Variants in OBP2B observed in about 807,000 individuals in gnomAD.
OBP2B encodes odorant binding protein 2B.
OBP2B carries 10 observed loss-of-function variants against 21.7 expected under a neutral mutation model. That is an observed-to-expected ratio of 0.46 (90% CI 0.28 to 0.78). The LOEUF is 0.78. Ranked by LOEUF, OBP2B falls within the 30% of genes least tolerant of loss-of-function variation. OBP2B has a pLI of 0.11. For synonymous variants in OBP2B, 73 were observed against 91.5 expected (o/e 0.80, Z 1.16); for missense variants, 153 against 217.7 (o/e 0.70, Z 1.87).
chr9:133,207,311 C>A lies in OBP2B; in HGVS notation c.303G>T (p.Leu101=). 1.2e-6 allele frequency: 2 copies of A among 1,613,092 alleles called. No individual in the cohort carries two copies. The highest frequency in any genetic ancestry group is 2.2e-5 in the East Asian group (1 of 44,878). ...AGTGGTCCCTCCTGGGCAGCTCCTG[C>A]AGGTACATGAGCTTCCTGCCCCCAT... ...SAYGGRKLMY[L]QELPRRDHYI... Residue 101 remains leucine, a synonymous_variant, in exon 4 of 7, where the codon CTG becomes CTT. Coordinates refer to ENST00000372034, the MANE Select transcript of OBP2B (RefSeq NM_014581.4).
the OBP2B span, among the ~76,000 whole-genome samples, chr9:133,222,470 G>A: frequency 6.6e-6 from 1 of 152,196 alleles, no homozygotes; most frequent in African/African-American, 2.4e-5. Flanking sequence ...GCTCACATCC[G>A]TAATCCCAGC....
the OBP2B span, among the ~76,000 whole-genome samples, chr9:133,222,536 T>C: frequency 6.6e-6 from 1 of 152,176 alleles, no homozygotes; most frequent in African/African-American, 2.4e-5. Flanking sequence ...AAGATCAGCC[T>C]GGCCAACATG....
the OBP2B span, among the ~76,000 whole-genome samples, chr9:133,215,449 T>G: frequency 6.6e-6 from 1 of 152,212 alleles, no homozygotes. Context: ...GCAGAGGAAC[T>G]AGAATAACTA....
chr9:133,220,686 T>A, the OBP2B span, among the ~76,000 whole-genome samples: 1 of 152,118 alleles, frequency 6.6e-6, no homozygotes, highest in Non-Finnish European at 1.5e-5. Flanking sequence ...CCTAAAGATG[T>A]CCACATCCTC....
Position 133,208,501 on chromosome 9 carries a change from G to A in OBP2B, c.174C>T (p.Gly58=), listed in dbSNP as rs147483144. The A allele has an allele frequency of 2.5e-5, 40 of 1,613,804 alleles. No homozygotes were observed. In the African/African-American group the frequency reaches 3.9e-4, roughly 16 times the overall value. Residue 58 remains glycine, a synonymous_variant, in exon 2 of 7, where the codon GGC becomes GGT. Coordinates refer to ENST00000372034, the MANE Select transcript of OBP2B (RefSeq NM_014581.4). The part of the protein sequence containing the change: ...KVSPVKVTAL[G]GGKLEATFTF... ...TGAACGTGGCTTCCAACTTCCCACC[G>A]CCCAGGGCTGTCACCTTCACTGGGG... is the stretch of plus-strand genomic sequence containing the variant.
chr9:133,216,125 A>T, the OBP2B span, among the ~76,000 whole-genome samples: 1 of 151,900 alleles, frequency 6.6e-6, no homozygotes, highest in African/African-American at 2.4e-5. Flanking sequence ...TCTGTAAGAG[A>T]CCCTGTTAAC....
chr9:133,215,502 CCTTT>C, the OBP2B span, among the ~76,000 whole-genome samples: 1 of 151,908 alleles, frequency 6.6e-6, no homozygotes, highest in Non-Finnish European at 1.5e-5. Context: ...ATCAGGCTAC[CCTTT>C]CTTTCCTTTT....
chr9:133,215,813 A>G, the OBP2B span, among the ~76,000 whole-genome samples: 1 of 152,258 alleles, frequency 6.6e-6, no homozygotes, highest in Non-Finnish European at 1.5e-5. Flanking sequence ...ACAAAGATGC[A>G]AAAGCAATTC....
the OBP2B span, among the ~76,000 whole-genome samples, chr9:133,222,770 C>T: frequency 6.6e-6 from 1 of 152,044 alleles, no homozygotes; most frequent in East Asian, 1.9e-4. Context: ...AGAGCCATTC[C>T]TTAGAAATGT....
In OBP2B at chr9:133,205,284, G is replaced by A. The variant is rs1252358833; in HGVS notation, c.*129C>T. 4 of 1,471,906 alleles carry A rather than the reference G, an allele frequency of 2.7e-6. No individual in the cohort carries two copies. The highest frequency in any genetic ancestry group is 2.6e-5 in the East Asian group (1 of 38,478). 91.2% of individuals were successfully genotyped at this position (1,471,906 alleles called of 1,614,324 possible). A position where few individuals can be genotyped will look rare whatever the true frequency, so the allele number is the denominator to read the frequency against. The stretch of plus-strand genomic sequence containing the variant: ...CAGATAGGCCTGCCCAGAGCTGGGG[G>A]AGAAGGACTTTATTTGGAGTCAGGT... On this transcript the variant is annotated 3_prime_UTR_variant, in exon 7 of 7. Transcript: ENST00000372034.
Position 133,207,122 on chromosome 9 carries a change from G to T in OBP2B, c.388+104C>A, listed in dbSNP as rs1422889651. 15 of 809,540 alleles carry T rather than the reference G, an allele frequency of 1.9e-5. No individual in the cohort carries two copies. The African/African-American group carries it at 2.1e-4, about 11-fold the overall frequency. The allele number at this position is 809,540 out of a possible 1,614,324, so 50.1% of individuals were successfully genotyped here. Reference sequence around the variant, plus strand: ...CCCGGCACATGAAAGCCGGCACAGGGGGCTTCCTTTTCCCCCATGCCAGGG... The same window carrying T: ...CCCGGCACATGAAAGCCGGCACAGGTGGCTTCCTTTTCCCCCATGCCAGGG... On this transcript the variant is annotated intron_variant, in intron 4 of 6. Transcript: ENST00000372034.
the OBP2B span, among the ~76,000 whole-genome samples, chr9:133,222,749 T>A: frequency 6.6e-6 from 1 of 152,106 alleles, no homozygotes; most frequent in Admixed American, 6.5e-5. Flanking sequence ...AGTGTCATTC[T>A]CAGGGACCTG....
rs569244839 is a variant in OBP2B at position 133,207,985 on chromosome 9, C to A, written c.277+148G>T. 4 of 1,527,196 alleles carry A rather than the reference C, an allele frequency of 2.6e-6. No homozygotes were observed. The African/African-American group carries it at 4.1e-5, about 16-fold the overall frequency. The allele number at this position is 1,527,196 out of a possible 1,614,324, so 94.6% of individuals were successfully genotyped here. A position where few individuals can be genotyped will look rare whatever the true frequency, so the allele number is the denominator to read the frequency against. ...GTCTGATGTCAGGGCCACCAGCCCCCCAGGAAGGAGAGGCCAGCCCCTCCT... is the reference window on the plus strand; with the variant it reads ...GTCTGATGTCAGGGCCACCAGCCCCACAGGAAGGAGAGGCCAGCCCCTCCT... On this transcript the variant is annotated intron_variant, in intron 3 of 6. Transcript: ENST00000372034.
rs782459366 is a variant in OBP2B at position 133,209,080 on chromosome 9, C to G, written c.72+48G>C. 6.8e-6 allele frequency: 11 copies of G among 1,611,230 alleles called. No homozygotes were observed. The highest frequency in any genetic ancestry group is 9.3e-6 in the Non-Finnish European group (11 of 1,179,006). On this transcript the variant is annotated intron_variant, in intron 1 of 6. Coordinates refer to ENST00000372034, the MANE Select transcript of OBP2B (RefSeq NM_014581.4). The surrounding 1 kb of genome is among the most constrained non-coding windows in gnomAD (Gnocchi z 6.0). ...CAGGGCCCCTGGCACTGCCCCCTGC[C>G]CAGGAGTCCGCCTGGCTCCTCCATC...
upstream of OBP2B, among the ~76,000 whole-genome samples, chr9:133,212,211 G>A (rs532590109): frequency 6.6e-6 from 1 of 152,194 alleles, no homozygotes; most frequent in East Asian, 1.9e-4. Flanking sequence ...GAACTGAAAG[G>A]AGAAATTTAA....
At position 133,208,313 on chromosome 9, in the gene OBP2B, C is replaced by A. The variant is rs1366185379; in HGVS notation, c.207-110G>T. ...GCAACCTGAAAATTCCACTGCCCCC[C>A]ACCCCACCGAGCTTCAGGATGCCCA... On this transcript the variant is annotated intron_variant, in intron 2 of 6. Coordinates refer to ENST00000372034, the MANE Select transcript of OBP2B (RefSeq NM_014581.4). The A allele has an allele frequency of 1.3e-5, 20 of 1,597,312 alleles. No homozygotes were observed. In the Admixed American group the frequency reaches 2.7e-4, roughly 22 times the overall value.
intron 1 of OBP2B, 67 bp from the exon 2 acceptor site, chr9:133,208,669 G>A (rs1833828842): frequency 6.5e-7 from 1 of 1,535,284 alleles, no homozygotes; most frequent in Non-Finnish European, 8.8e-7. Context: ...CTGGCACTCA[G>A]GCCTGCAGCT....
Position 133,205,905 on chromosome 9 carries a change from A to G in OBP2B, c.*1+12T>C, listed in dbSNP as rs367988196. ...CTGGGCTTGTCCAGTGCCCTCCTAAAGGCTCACTCACCCTAGTGTTCGGGA... is the reference window on the plus strand; with the variant it reads ...CTGGGCTTGTCCAGTGCCCTCCTAAGGGCTCACTCACCCTAGTGTTCGGGA... On this transcript the variant is annotated intron_variant, in intron 6 of 6. Coordinates refer to ENST00000372034, the MANE Select transcript of OBP2B (RefSeq NM_014581.4). 17 of 1,613,742 alleles carry G rather than the reference A, an allele frequency of 1.1e-5. No individual in the cohort carries two copies. The highest frequency in any genetic ancestry group is 1.4e-5 in the Non-Finnish European group (17 of 1,179,812).
intron 2 of OBP2B, 48 bp from the exon 3 acceptor site, chr9:133,208,251 C>T (rs72769499): frequency 1.4e-5 from 22 of 1,561,580 alleles, no homozygotes; most frequent in South Asian, 2.3e-5. Context: ...ACACCCATGG[C>T]CCATCCTCAG....
Sources: allele counts gnomAD v4.1 joint callset (sites outside exome capture counted in the v4.1 genomes callset), GRCh38; gene constraint gnomAD v4.1.1; non-coding constraint Gnocchi (gnomAD v3.1); transcripts MANE v1.5; gene names NCBI Gene and HGNC (gene_info 2026-07-23, HGNC 2026-07-21).